The following BLM variants were observed in gnomAD, a reference collection of about 807,000 sequenced individuals.
The protein encoded by BLM is BLM RecQ like helicase, also known as recQ-like DNA helicase BLM.
A neutral mutation model predicts 135.3 loss-of-function variants in BLM; 95 were observed. The observed-to-expected ratio is 0.70, with a 90% CI of 0.59 to 0.83. The LOEUF (loss-of-function observed/expected upper bound fraction) is 0.83, where lower values mean the gene tolerates loss of function less well. Ranked by LOEUF, BLM falls within the 40% of genes least tolerant of loss-of-function variation. The pLI is 0.00. For synonymous variants in BLM, 520 were observed against 589.2 expected (o/e 0.88, Z 1.70); for missense variants, 1,518 against 1,663.9 (o/e 0.91, Z 1.53).
At chr15:90,717,907 C>T (rs1010732036) in intron 1 of BLM, among the ~76,000 whole-genome samples, 1 of 152,138 alleles carries the variant, frequency 6.6e-6, no homozygotes, top group Non-Finnish European at 1.5e-5. Context: ...TTCCTGGCAC[C>T]CTTGATCTTA....
chr15:90,744,437 A>G (rs957055127), intron 1 of BLM, among the ~76,000 whole-genome samples: 1 of 152,108 alleles, frequency 6.6e-6, no homozygotes, highest in African/African-American at 2.4e-5. Flanking sequence ...CAGTGGCACA[A>G]TCTCGGTTCA....
At chr15:90,791,656 C>G (rs72751857) in intron 15 of BLM, among the ~76,000 whole-genome samples, 6 of 148,498 alleles carry the variant, frequency 4.0e-5, no homozygotes, top group Non-Finnish European at 8.9e-5. Flanking sequence ...TTTTTTTTTT[C>G]AAGACCGAGT....
chr15:90,724,803 A>G (rs1306377209), intron 1 of BLM, among the ~76,000 whole-genome samples: 1 of 152,126 alleles, frequency 6.6e-6, no homozygotes, highest in African/African-American at 2.4e-5. Context: ...CCTGAGCCCT[A>G]TCCTTCTGGG....
Position 90,803,551 on chromosome 15 carries a change from T to C in BLM, c.3389T>C (p.Ile1130Thr). The C allele has an allele frequency of 1.9e-6, 3 of 1,613,906 alleles. No homozygotes were observed. Among genetic ancestry groups the C allele is most frequent in the Non-Finnish European group, 2.5e-6 (3 of 1,179,828 alleles). Reference protein sequence around the residue: ...GSKSAKIQSGIFGKGSAYSRH... With the variant: ...GSKSAKIQSGTFGKGSAYSRH... The stretch of plus-strand genomic sequence containing the variant: ...AAGAGTGCAAAAATCCAGTCAGGTA[T>C]ATTTGGAAAAGGATCTGCTTATTCA... The change falls in exon 18 of 22, where the codon ATA (isoleucine) becomes ACA (threonine). Residue 1130 changes from isoleucine to threonine, a missense_variant. Ile to Thr is a moderately conservative substitution (Grantham distance 89). Around this residue, in one of 5 missense-constraint regions of BLM, gnomAD observed 626 missense variants for 681.1 expected, o/e 0.92. Transcript: ENST00000355112.
intron 2 of BLM, among the ~76,000 whole-genome samples, chr15:90,748,789 G>A (rs532121362): frequency 4.1e-5 from 6 of 145,750 alleles, no homozygotes; most frequent in Non-Finnish European, 7.5e-5. Flanking sequence ...AGACAGTCTC[G>A]CTCTGTCACC....
Position 90,815,039 on chromosome 15 carries a change from G to GA in BLM, c.4077-62dup. 1 of 1,485,186 alleles carries GA rather than the reference G, an allele frequency of 6.7e-7. No individual in the cohort carries two copies. The highest frequency in any genetic ancestry group is 9.1e-7 in the Non-Finnish European group (1 of 1,101,682). The allele number at this position is 1,485,186 out of a possible 1,614,324, so 92.0% of individuals were successfully genotyped here. ...GGTATTGTAGCTCTGTGCAGGTTGAGAGGAAGGTCATTCATTTTTGGTTTC... is the reference window on the plus strand; with the variant it reads ...GGTATTGTAGCTCTGTGCAGGTTGAGAAGGAAGGTCATTCATTTTTGGTTTC... On this transcript the variant is annotated intron_variant, in intron 21 of 21. Coordinates refer to ENST00000355112, the MANE Select transcript of BLM (RefSeq NM_000057.4). The surrounding 1 kb of genome is among the most constrained non-coding windows in gnomAD (Gnocchi z 4.6).
At chr15:90,772,315 C>CA (rs1469182438) in intron 12 of BLM, among the ~76,000 whole-genome samples, 11 of 152,046 alleles carry the variant, frequency 7.2e-5, no homozygotes, top group African/African-American at 2.7e-4. Context: ...ATAAGGCACA[C>CA]AAAAAAGGCT....
intron 13 of BLM, 102 bp downstream of exon 13, chr15:90,783,030 A>G (rs984619602): frequency 2.2e-6 from 2 of 904,962 alleles, no homozygotes; most frequent in African/African-American, 1.7e-5. Context: ...TTTTTGCATT[A>G]TGACAGCACT....
intron 21 of BLM, among the ~76,000 whole-genome samples, chr15:90,814,233 G>A (rs28363368): frequency 1.6e-4 from 25 of 152,310 alleles, no homozygotes; most frequent in Non-Finnish European, 1.5e-4. Flanking sequence ...CCCTGGTGCC[G>A]TGGAATTAGT....
intron 1 of BLM, among the ~76,000 whole-genome samples, chr15:90,734,667 G>A (rs866487890): frequency 8.4e-5 from 12 of 142,012 alleles, no homozygotes; most frequent in African/African-American, 2.0e-4. Context: ...ACACACGCGC[G>A]CACGCACGCA....
chr15:90,815,372 G>T lies in BLM; in HGVS notation c.*93G>T. ...AGCTGTTATTCTTGTTATACCATTT[G>T]AAGTTTTTACTCGTCTCTATTAATA... On this transcript the variant is annotated 3_prime_UTR_variant, in exon 22 of 22. Coordinates refer to ENST00000355112, the MANE Select transcript of BLM (RefSeq NM_000057.4). This position sits in a 1 kb window ranked among gnomAD's most constrained non-coding sequence, Gnocchi z 4.6. 7.1e-7 allele frequency: 1 copy of T among 1,409,430 alleles called. No individual in the cohort carries two copies. The highest frequency in any genetic ancestry group is 9.9e-7 in the Non-Finnish European group (1 of 1,006,864). 87.3% of individuals were successfully genotyped at this position (1,409,430 alleles called of 1,614,324 possible). A position where few individuals can be genotyped will look rare whatever the true frequency, so the allele number is the denominator to read the frequency against.
chr15:90,718,214 G>A (rs2151122939), intron 1 of BLM, among the ~76,000 whole-genome samples: 1 of 152,326 alleles, frequency 6.6e-6, no homozygotes, highest in South Asian at 2.1e-4. Flanking sequence ...GGATGAAATT[G>A]TCCCCATTTT....
intron 14 of BLM, among the ~76,000 whole-genome samples, chr15:90,785,692 C>G (rs1460894885): frequency 6.6e-6 from 1 of 151,806 alleles, no homozygotes; most frequent in African/African-American, 2.4e-5. Flanking sequence ...TACAGATGTG[C>G]GCCACCATGG....
At chr15:90,746,640 T>C (rs566198743) in intron 1 of BLM, among the ~76,000 whole-genome samples, 5 of 152,230 alleles carry the variant, frequency 3.3e-5, no homozygotes, top group African/African-American at 1.2e-4. Context: ...AAAATAAAAA[T>C]AGATGTCTAG....
intron 1 of BLM, among the ~76,000 whole-genome samples, chr15:90,725,201 G>T (rs950294070): frequency 6.6e-6 from 1 of 152,036 alleles, no homozygotes; most frequent in Admixed American, 6.6e-5. Context: ...AAGCCACCAC[G>T]CCCGGCCCCC....
At chr15:90,809,672 T>C (rs539316774) in intron 20 of BLM, among the ~76,000 whole-genome samples, 2 of 152,350 alleles carry the variant, frequency 1.3e-5, no homozygotes, top group South Asian at 4.1e-4. Flanking sequence ...AAAGATAAAA[T>C]TTAAGACTAG....
chr15:90,760,190 G>A lies in BLM; in HGVS notation c.1131G>A (p.Glu377=), dbSNP rs764842587. The A allele has an allele frequency of 2.5e-6, 4 of 1,612,522 alleles. No individual in the cohort carries two copies. The highest frequency in any genetic ancestry group is 1.7e-5 in the Admixed American group (1 of 60,012). ...AGCAGCAGCTTATTCATGTGATGGAGCACATCTGTAAATTAATTGATACTA... is the reference window on the plus strand; with the variant it reads ...AGCAGCAGCTTATTCATGTGATGGAACACATCTGTAAATTAATTGATACTA... ...SLQQQLIHVM[E]HICKLIDTIP... is the part of the protein sequence containing the mutation. Residue 377 remains glutamate (E), a synonymous_variant, in exon 6 of 22, where the codon GAG becomes GAA. Coordinates refer to ENST00000355112, the MANE Select transcript of BLM (RefSeq NM_000057.4).
chr15:90,736,785 A>AT (rs1022481274), intron 1 of BLM, among the ~76,000 whole-genome samples: 3 of 152,166 alleles, frequency 2.0e-5, no homozygotes, highest in Non-Finnish European at 2.9e-5. Context: ...ACAGTGTGCT[A>AT]TTTTTTATGT....
chr15:90,790,540 G>A (rs1896877318), intron 14 of BLM, 109 bp from the exon 15 acceptor site: 4 of 1,028,718 alleles, frequency 3.9e-6, no homozygotes, highest in Middle Eastern at 2.2e-4. Context: ...GTTATGTAGT[G>A]TGCATTTTAA....
Sources: allele counts gnomAD v4.1 joint callset (sites outside exome capture counted in the v4.1 genomes callset), GRCh38; gene constraint gnomAD v4.1.1; regional missense constraint gnomAD v4.1.1; non-coding constraint Gnocchi (gnomAD v3.1); transcripts MANE v1.5; gene names NCBI Gene and HGNC (gene_info 2026-07-23, HGNC 2026-07-21).